Variants in DMXL1 observed in about 807,000 individuals in gnomAD.
DMXL1 encodes Dmx like 1, also known as dmX-like protein 1.
In DMXL1, 99 loss-of-function variants were observed where a neutral mutation model predicts 319.2. The observed-to-expected ratio is 0.31, with a 90% CI of 0.26 to 0.37. The LOEUF is 0.37. DMXL1 is among the 10% of genes least tolerant of loss of function. The pLI, the probability that DMXL1 is intolerant of heterozygous loss-of-function variation, is 1.00. For synonymous variants in DMXL1, 1,385 were observed against 1,235.2 expected, an observed-to-expected ratio of 1.12 and a Z score of -2.54; for missense variants, 3,745 against 3,595.6, an observed-to-expected ratio of 1.04 and a Z score of -1.06.
chr5:119,146,027 A>C (rs2150121638), intron 15 of DMXL1, among the ~76,000 whole-genome samples: 3 of 151,896 alleles, frequency 2.0e-5, no homozygotes, highest in Middle Eastern at 3.4e-3. Context: ...TACCAAAGTT[A>C]CCTTTTCATT....
chr5:119,217,768 A>T (rs1469312195), intron 35 of DMXL1, among the ~76,000 whole-genome samples: 3 of 152,166 alleles, frequency 2.0e-5, no homozygotes, highest in Non-Finnish European at 4.4e-5. Context: ...TGTAATATGT[A>T]ATACAGGGAA....
intron 19 of DMXL1, among the ~76,000 whole-genome samples, chr5:119,163,293 T>G (rs757017034): frequency 1.3e-5 from 2 of 152,236 alleles, no homozygotes; most frequent in African/African-American, 4.8e-5. Flanking sequence ...ATCCAAAGAT[T>G]ATATGAATAT....
In DMXL1 at chr5:119,116,145, T is replaced by G; in HGVS notation, c.565-13T>G. 1 of 1,571,934 alleles carries G rather than the reference T, an allele frequency of 6.4e-7. No individual in the cohort carries two copies. Among genetic ancestry groups the G allele is most frequent in the Non-Finnish European group, 8.6e-7 (1 of 1,162,414 alleles). On this transcript the variant is annotated splice_polypyrimidine_tract_variant and intron_variant, in intron 6 of 43. Coordinates refer to ENST00000539542, the MANE Select transcript of DMXL1 (RefSeq NM_001290321.3). Reference sequence around the variant, plus strand: ...ATCTCCATGATTTTCTGTTTTGTTTTTTTTTTCCTTAGGATGACTGTCTTT... The same window carrying G: ...ATCTCCATGATTTTCTGTTTTGTTTGTTTTTTCCTTAGGATGACTGTCTTT...
rs904303079 is a variant in DMXL1 at position 119,203,196 on chromosome 5, G to T, written c.7746-123G>T. ...AAGGAAAAGGTTGGCCATATGATCT[G>T]CCTCCAGTCATACAGTCTGATTGCA... On this transcript the variant is annotated intron_variant, in intron 32 of 43. Coordinates refer to ENST00000539542, the MANE Select transcript of DMXL1 (RefSeq NM_001290321.3). The T allele has an allele frequency of 1.0e-5, 6 of 596,102 alleles. No individual in the cohort carries two copies. The African/African-American group carries it at 1.1e-4, about 11-fold the overall frequency. 36.9% of individuals were successfully genotyped at this position (596,102 alleles called of 1,614,324 possible).
chr5:119,200,934 T>C (rs1305276332), intron 32 of DMXL1, among the ~76,000 whole-genome samples: 3 of 152,218 alleles, frequency 2.0e-5, no homozygotes, highest in Admixed American at 2.0e-4. Flanking sequence ...CCTGAAACTT[T>C]GCTAAGTTGT....
intron 4 of DMXL1, among the ~76,000 whole-genome samples, chr5:119,109,810 C>T (rs1202516091): frequency 1.3e-5 from 2 of 152,150 alleles, no homozygotes; most frequent in African/African-American, 4.8e-5. Flanking sequence ...ATGTATGTAA[C>T]ACTTCCACAT....
At chr5:119,110,736 G>C (rs1030143025) in intron 5 of DMXL1, among the ~76,000 whole-genome samples, 1 of 152,172 alleles carries the variant, frequency 6.6e-6, no homozygotes, top group African/African-American at 2.4e-5. Flanking sequence ...AAGAAAAGAA[G>C]AATGAAGATT....
At chr5:119,096,221 G>T (rs1450433739) in intron 1 of DMXL1, among the ~76,000 whole-genome samples, 1 of 149,718 alleles carries the variant, frequency 6.7e-6, no homozygotes, top group Non-Finnish European at 1.5e-5. Context: ...TTGTTGCCTA[G>T]GCTGGAGTGC....
intron 1 of DMXL1, among the ~76,000 whole-genome samples, chr5:119,080,336 G>A (rs1751922745): frequency 6.6e-6 from 1 of 152,148 alleles, no homozygotes; most frequent in African/African-American, 2.4e-5. Flanking sequence ...GACAGAGCAA[G>A]ACTTCGTCTC....
In DMXL1 at chr5:119,205,158, T is replaced by A. The variant is rs936587078; in HGVS notation, c.7864-1676T>A. Among the ~76,000 whole-genome samples, 11 of 152,154 alleles carry A rather than the reference T, an allele frequency of 7.2e-5. No homozygotes were observed. In the South Asian group the frequency reaches 8.3e-4, roughly 11 times the overall value. On this transcript the variant is annotated intron_variant, in intron 33 of 43. Coordinates refer to ENST00000539542, the MANE Select transcript of DMXL1 (RefSeq NM_001290321.3). ...TTCATTTGTTTATTTGATCTTTTTT[T>A]AAAAAAATTGACATATTTGATTAAT...
intron 9 of DMXL1, among the ~76,000 whole-genome samples, chr5:119,122,886 A>G (rs1041652457): frequency 6.6e-6 from 1 of 150,792 alleles, no homozygotes; most frequent in Non-Finnish European, 1.5e-5. Flanking sequence ...GACGCTCCTT[A>G]CTTCCCAGAT....
intron 4 of DMXL1, among the ~76,000 whole-genome samples, chr5:119,107,724 G>A (rs1161748160): frequency 6.6e-6 from 1 of 152,070 alleles, no homozygotes; most frequent in African/African-American, 2.4e-5. Flanking sequence ...AGTTGTATCT[G>A]TTGGTAAGTT....
Position 119,220,454 on chromosome 5 carries a change from A to T in DMXL1, c.8014-18A>T. ...TTTGCCTATTGCTTTTAAAATTACC[A>T]TTTGACTTATTTTTCAGGCAAATAG... On this transcript the variant is annotated intron_variant, in intron 35 of 43. Coordinates refer to ENST00000539542, the MANE Select transcript of DMXL1 (RefSeq NM_001290321.3). The T allele has an allele frequency of 6.2e-7, 1 of 1,610,536 alleles. No individual in the cohort carries two copies. Among genetic ancestry groups the T allele is most frequent in the African/African-American group, 1.3e-5 (1 of 74,862 alleles).
chr5:119,198,933 C>T (rs1780161308), intron 32 of DMXL1, among the ~76,000 whole-genome samples: 1 of 152,174 alleles, frequency 6.6e-6, no homozygotes, highest in Non-Finnish European at 1.5e-5. Flanking sequence ...ATTAATCAGG[C>T]TGGAGTAGAG....
intron 28 of DMXL1, among the ~76,000 whole-genome samples, chr5:119,184,451 C>T (rs963084685): frequency 6.6e-6 from 1 of 152,100 alleles, no homozygotes; most frequent in Non-Finnish European, 1.5e-5. Context: ...AGTCCTAAGT[C>T]CTGCAGCAAA....
chr5:119,204,311 G>A (rs762556626), intron 33 of DMXL1, among the ~76,000 whole-genome samples: 6 of 151,964 alleles, frequency 3.9e-5, no homozygotes, highest in Non-Finnish European at 8.8e-5. Flanking sequence ...CTAATTTTTT[G>A]TATTTTTGGT....
intron 38 of DMXL1, among the ~76,000 whole-genome samples, chr5:119,228,743 A>G (rs911092160): frequency 2.0e-5 from 3 of 152,162 alleles, no homozygotes; most frequent in Admixed American, 1.3e-4. Context: ...ATTTTTGGGA[A>G]ATTTGTCAAA....
At position 119,239,042 on chromosome 5, in the gene DMXL1, C is replaced by T. The variant is rs1788270532; in HGVS notation, c.8613C>T (p.Ser2871=). 1.2e-6 allele frequency: 2 copies of T among 1,613,824 alleles called. No homozygotes were observed. The highest frequency in any genetic ancestry group is 1.7e-6 in the Non-Finnish European group (2 of 1,179,920). Residue 2871 remains serine (S), a synonymous_variant, in exon 41 of 44, where the codon TCC becomes TCT. Transcript: ENST00000539542. ...TANDFVFVSS[S]SLIATAGLST... ...ATGATTTTGTCTTCGTTAGTTCCTC[C>T]TCTCTGATAGCTACAGCTGGTCTTT...
chr5:119,135,046 G>A (rs1765695867), intron 13 of DMXL1, among the ~76,000 whole-genome samples: 1 of 152,342 alleles, frequency 6.6e-6, no homozygotes, highest in East Asian at 1.9e-4. Context: ...TCGGCTTACA[G>A]AGTTGCATAA....
Sources: gnomAD v4.1 joint callset for allele counts (sites outside exome capture counted in the v4.1 genomes callset) on GRCh38, gnomAD v4.1.1 for gene constraint, MANE v1.5 for transcripts, NCBI Gene and HGNC (gene_info 2026-07-23, HGNC 2026-07-21) for gene names.